KCNU1: variants seen among roughly 807,000 people sequenced by gnomAD.
The protein encoded by KCNU1 is potassium calcium-activated channel subfamily U member 1, also known as potassium channel subfamily U member 1.
A neutral mutation model predicts 126.8 loss-of-function variants in KCNU1; 93 were observed. The ratio of observed to expected loss-of-function variants is 0.73; its 90% CI spans 0.62 to 0.87. The LOEUF is 0.87. KCNU1 is among the 40% of genes least tolerant of loss of function. The probability of loss-of-function intolerance (pLI) is 0.00; values close to 1 mark genes in which losing one functional copy is unlikely to be tolerated. For missense variants in KCNU1, 1,330 were observed against 1,367.1 expected (o/e 0.97, Z 0.43); for synonymous variants, 523 against 494.2 (o/e 1.06, Z -0.77).
chr8:36,833,723 T>C, intron 11 of KCNU1, 64 bp downstream of exon 11: 1 of 900,052 alleles, frequency 1.1e-6, no homozygotes, highest in Non-Finnish European at 1.8e-6. Context: ...AATAATAGGA[T>C]ATATTGCTTT....
chr8:36,899,171 G>A (rs1056529344), intron 19 of KCNU1, among the ~76,000 whole-genome samples: 4 of 152,076 alleles, frequency 2.6e-5, no homozygotes, highest in Non-Finnish European at 5.9e-5. Flanking sequence ...GCTTAACAGA[G>A]AGAAGTTCAA....
intron 20 of KCNU1, among the ~76,000 whole-genome samples, chr8:36,906,783 G>A (rs1345626443): frequency 2.0e-5 from 3 of 152,042 alleles, no homozygotes; most frequent in South Asian, 4.1e-4. Flanking sequence ...TCAGAAACAC[G>A]AAACTGTCAG....
intron 24 of KCNU1, among the ~76,000 whole-genome samples, chr8:36,926,203 G>A (rs1379449821): frequency 1.3e-5 from 2 of 152,226 alleles, no homozygotes; most frequent in Middle Eastern, 3.4e-3. Context: ...ATCTGCCAAA[G>A]GCTGCATCAT....
chr8:36,807,737 A>G (rs191432930), intron 6 of KCNU1, among the ~76,000 whole-genome samples: 1 of 152,126 alleles, frequency 6.6e-6, no homozygotes, highest in East Asian at 1.9e-4. Context: ...ACCAAAAAAA[A>G]AAAAAAAAGT....
At chr8:36,845,781 T>G (rs773751489) in intron 17 of KCNU1, 21 bp from the exon 18 acceptor site, 1 of 1,566,536 alleles carries the variant, frequency 6.4e-7, no homozygotes, top group Admixed American at 1.7e-5. Context: ...AATTCATTCT[T>G]GGTTTTCTTT....
intron 19 of KCNU1, among the ~76,000 whole-genome samples, chr8:36,905,387 A>G (rs1158084450): frequency 6.6e-6 from 1 of 151,888 alleles, no homozygotes; most frequent in Non-Finnish European, 1.5e-5. Flanking sequence ...ATATCTGCCA[A>G]TGGATAACAG....
Position 36,845,823 on chromosome 8 carries a change from C to G in KCNU1, c.1815C>G (p.Val605=), listed in dbSNP as rs1361967131. Residue 605 remains valine, a synonymous_variant, in exon 18 of 27, where the codon GTC becomes GTG. Transcript: ENST00000399881. ...DVRRALFYCS[V]CHDDVFIPEL... ...CCAGAGCCTTGTTTTACTGTTCAGT[C>G]TGTCATGATGATGTGTTCATTCCTG... 1.1e-5 allele frequency: 17 copies of G among 1,609,296 alleles called. No individual in the cohort carries two copies. Among genetic ancestry groups the G allele is most frequent in the Non-Finnish European group, 1.7e-6 (2 of 1,176,858 alleles).
chr8:36,846,811 G>A (rs56026708), intron 18 of KCNU1, among the ~76,000 whole-genome samples: 2,456 of 144,492 alleles, frequency 0.017, 86 homozygotes, highest in African/African-American at 0.059. Context: ...AAAAAACTTA[G>A]CCTTGTCCAG....
intron 19 of KCNU1, among the ~76,000 whole-genome samples, chr8:36,891,782 C>T (rs1806972892): frequency 6.6e-6 from 1 of 151,878 alleles, no homozygotes; most frequent in African/African-American, 2.4e-5. Context: ...ATATGTTCTT[C>T]CACTGCCTTC....
chr8:36,874,309 T>C (rs1381176728), intron 19 of KCNU1, among the ~76,000 whole-genome samples: 25 of 152,228 alleles, frequency 1.6e-4, no homozygotes, highest in Non-Finnish European at 3.2e-4. Flanking sequence ...AATCATTTTT[T>C]TTCCTAAATG....
intron 1 of KCNU1, among the ~76,000 whole-genome samples, chr8:36,784,963 A>T (rs1353932652): frequency 6.6e-6 from 1 of 152,214 alleles, no homozygotes; most frequent in Non-Finnish European, 1.5e-5. Context: ...CATAGAAAGG[A>T]GGTGAAAGGG....
At chr8:36,861,101 C>T (rs13252968) in intron 18 of KCNU1, among the ~76,000 whole-genome samples, 9 of 151,840 alleles carry the variant, frequency 5.9e-5, no homozygotes, top group Non-Finnish European at 8.8e-5. Context: ...CAGAAGTCCC[C>T]TGGTCTTAGG....
chr8:36,881,178 G>T (rs948636534), intron 19 of KCNU1, among the ~76,000 whole-genome samples: 3 of 152,180 alleles, frequency 2.0e-5, no homozygotes, highest in Non-Finnish European at 4.4e-5. Context: ...AAGCTCTGAG[G>T]CTTTGCAACC....
chr8:36,925,323 G>A (rs538836484), intron 24 of KCNU1, among the ~76,000 whole-genome samples: 167 of 152,152 alleles, frequency 1.1e-3, no homozygotes, highest in Non-Finnish European at 1.8e-3. Context: ...AATTTGGGCA[G>A]GGACGGCAAT....
chr8:36,891,821 A>G (rs1266201512), intron 19 of KCNU1, among the ~76,000 whole-genome samples: 2 of 152,032 alleles, frequency 1.3e-5, no homozygotes, highest in Non-Finnish European at 2.9e-5. Context: ...ATGAGAAATT[A>G]GCTGTTAATC....
chr8:36,932,892 G>T, intron 25 of KCNU1, 28 bp from the exon 26 acceptor site: 1 of 1,286,058 alleles, frequency 7.8e-7, no homozygotes, highest in South Asian at 1.3e-5. Flanking sequence ...GTGCCCAGCA[G>T]ACATATTTTT....
intron 19 of KCNU1, among the ~76,000 whole-genome samples, chr8:36,896,117 TTA>T (rs1807179167): frequency 1.3e-5 from 2 of 151,866 alleles, no homozygotes; most frequent in South Asian, 4.1e-4. Context: ...AATTATTTTT[TTA>T]TTAGTAGACC....
chr8:36,836,147 A>AT (rs530214587), intron 12 of KCNU1, 149 bp from the exon 13 acceptor site: 1 of 551,668 alleles, frequency 1.8e-6, no homozygotes, highest in African/African-American at 1.9e-5. Context: ...TACTAAAAAC[A>AT]TTTTTAGAAA....
chr8:36,922,878 TGA>T lies in KCNU1; in HGVS notation c.2736+251_2736+252del. 4 of 571,922 alleles carry T rather than the reference TGA, an allele frequency of 7.0e-6. No homozygotes were observed. In the Admixed American group the frequency reaches 9.4e-5, roughly 13 times the overall value. 35.4% of individuals were successfully genotyped at this position (571,922 alleles called of 1,614,324 possible). ...CCAGAACCCCTGATGCCAGGAAGAG[TGA>T]GTGTCGGCCTCTCAGCTTCTAAGGC... is the stretch of plus-strand genomic sequence containing the variant. On this transcript the variant is annotated intron_variant, in intron 24 of 26. Coordinates refer to ENST00000399881, the MANE Select transcript of KCNU1 (RefSeq NM_001031836.3).
Sources: gnomAD v4.1 joint callset for allele counts (sites outside exome capture counted in the v4.1 genomes callset) on GRCh38, gnomAD v4.1.1 for gene constraint, MANE v1.5 for transcripts, NCBI Gene and HGNC (gene_info 2026-07-23, HGNC 2026-07-21) for gene names.